Variants in UBASH3B observed in about 807,000 individuals in gnomAD.
UBASH3B encodes ubiquitin associated and SH3 domain containing B.
Under a neutral mutation model 83.4 loss-of-function variants are expected in UBASH3B, and 37 were observed. The ratio of observed to expected loss-of-function variants is 0.44; its 90% CI spans 0.34 to 0.58. The LOEUF (loss-of-function observed/expected upper bound fraction) is 0.58, where lower values mean the gene tolerates loss of function less well. Among genes scored for constraint, UBASH3B ranks in the 20% least tolerant of loss-of-function variants. UBASH3B has a pLI of 0.01. For missense variants in UBASH3B, 657 were observed against 827.2 expected, an observed-to-expected ratio of 0.79 and a Z score of 2.52; for synonymous variants, 304 against 318.3, an observed-to-expected ratio of 0.96 and a Z score of 0.48.
chr11:122,716,001 T>G (rs1860519032), intron 1 of UBASH3B, among the ~76,000 whole-genome samples: 1 of 152,264 alleles, frequency 6.6e-6, no homozygotes, highest in Non-Finnish European at 1.5e-5. Flanking sequence ...TGTCCCTGTT[T>G]CAGCTTTCTC....
At chr11:122,752,598 T>A (rs1861216851) in intron 1 of UBASH3B, among the ~76,000 whole-genome samples, 1 of 152,174 alleles carries the variant, frequency 6.6e-6, no homozygotes, top group African/African-American at 2.4e-5. Flanking sequence ...TTGGTCTTGA[T>A]CTTACGGGCA....
chr11:122,715,874 C>CG (rs770915202), intron 1 of UBASH3B, among the ~76,000 whole-genome samples: 100 of 152,246 alleles, frequency 6.6e-4, no homozygotes, highest in Non-Finnish European at 1.4e-3. Context: ...GGCAGCACTC[C>CG]TCCGCCAAGG....
chr11:122,707,669 A>G (rs1235091652), intron 1 of UBASH3B, among the ~76,000 whole-genome samples: 1 of 152,080 alleles, frequency 6.6e-6, no homozygotes, highest in African/African-American at 2.4e-5. Flanking sequence ...GTAGCAATAA[A>G]CAGCTAATCT....
intron 1 of UBASH3B, among the ~76,000 whole-genome samples, chr11:122,719,148 C>T (rs1468997508): frequency 6.6e-6 from 1 of 152,234 alleles, no homozygotes; most frequent in East Asian, 1.9e-4. Flanking sequence ...TGCCAATTTA[C>T]AGATGGATTA....
At chr11:122,789,639 T>A (rs531704380) in intron 6 of UBASH3B, among the ~76,000 whole-genome samples, 1 of 152,288 alleles carries the variant, frequency 6.6e-6, no homozygotes, top group African/African-American at 2.4e-5. Flanking sequence ...CACCTTATCC[T>A]GGGTCATGAG....
rs369101255 is a variant in UBASH3B, at chr11:122,656,254, C to G, written c.161+44C>G. ...AGCCCTCGGCGACCCCTCCCGCGCG[C>G]GCGGCCGGCCCTCGGCTTCGCTCCG... On this transcript the variant is annotated intron_variant, in intron 1 of 13. Transcript: ENST00000284273. 2.5e-5 allele frequency: 34 copies of G among 1,353,338 alleles called. No homozygotes were observed. In the East Asian group the frequency reaches 8.4e-4, roughly 33 times the overall value. The allele number at this position is 1,353,338 out of a possible 1,614,324, so 83.8% of individuals were successfully genotyped here.
At chr11:122,782,907 G>T in intron 4 of UBASH3B, 146 bp from the exon 5 acceptor site, 1 of 936,986 alleles carries the variant, frequency 1.1e-6, no homozygotes, top group Non-Finnish European at 1.6e-6. Flanking sequence ...TTATTCTACT[G>T]CTGTGAAGGA....
intron 1 of UBASH3B, among the ~76,000 whole-genome samples, chr11:122,756,100 A>C (rs543057482): frequency 5.3e-5 from 8 of 152,342 alleles, no homozygotes; most frequent in African/African-American, 1.7e-4. Flanking sequence ...CCTAACAGGA[A>C]TCAAGGCTGA....
At chr11:122,776,303 A>G (rs1193048714) in intron 2 of UBASH3B, 31 bp downstream of exon 2, 3 of 1,586,858 alleles carry the variant, frequency 1.9e-6, no homozygotes, top group South Asian at 1.1e-5. Flanking sequence ...TTGAGAAAAT[A>G]GCATATAATT....
chr11:122,661,473 G>C (rs182441212), intron 1 of UBASH3B, among the ~76,000 whole-genome samples: 1 of 152,174 alleles, frequency 6.6e-6, no homozygotes, highest in Non-Finnish European at 1.5e-5. Flanking sequence ...TGACTCTGGC[G>C]TGGGGGCTGC....
intron 1 of UBASH3B, among the ~76,000 whole-genome samples, chr11:122,755,127 G>A (rs1022227564): frequency 3.3e-5 from 5 of 152,006 alleles, no homozygotes; most frequent in Admixed American, 6.5e-5. Context: ...CTCTTTTCAT[G>A]GTTCAACGCT....
At position 122,759,581 on chromosome 11, in the gene UBASH3B, C is replaced by A. The variant is rs10892894; in HGVS notation, c.162-16638C>A. Among the ~76,000 whole-genome samples, 1 of 152,018 alleles carries A rather than the reference C, an allele frequency of 6.6e-6. No homozygotes were observed. Among genetic ancestry groups the A allele is most frequent in the South Asian group, 2.1e-4 (1 of 4,832 alleles). Reference sequence around the variant, plus strand: ...CTAGGTGGGACCGTCTAGTTGGAGACCCCTGACTTAGTTGGGACCATCTGT... The same window carrying A: ...CTAGGTGGGACCGTCTAGTTGGAGAACCCTGACTTAGTTGGGACCATCTGT... On this transcript the variant is annotated intron_variant, in intron 1 of 13. Transcript: ENST00000284273. The surrounding 1 kb of genome is among the most constrained non-coding windows in gnomAD (Gnocchi z 4.1).
At chr11:122,764,118 T>C (rs182660172) in intron 1 of UBASH3B, among the ~76,000 whole-genome samples, 10 of 152,326 alleles carry the variant, frequency 6.6e-5, no homozygotes, top group African/African-American at 2.4e-4. Flanking sequence ...ACTTTCTGAG[T>C]GCAAGGGCCA....
At chr11:122,667,757 G>A (rs1342561906) in intron 1 of UBASH3B, among the ~76,000 whole-genome samples, 4 of 152,106 alleles carry the variant, frequency 2.6e-5, no homozygotes, top group Admixed American at 2.0e-4. Flanking sequence ...AGAGGTAGAC[G>A]CTCAGAAATC....
At chr11:122,730,608 T>A (rs74921701) in intron 1 of UBASH3B, among the ~76,000 whole-genome samples, 11 of 143,678 alleles carry the variant, frequency 7.7e-5, no homozygotes, top group Non-Finnish European at 3.1e-5. Flanking sequence ...TTTTTTTTTT[T>A]AATTGAGACA....
chr11:122,727,840 A>G (rs1860770550), intron 1 of UBASH3B, among the ~76,000 whole-genome samples: 1 of 152,192 alleles, frequency 6.6e-6, no homozygotes, highest in African/African-American at 2.4e-5. Context: ...GTTTCCACCC[A>G]AAGACCCAAA....
chr11:122,732,664 T>A (rs1860862428), intron 1 of UBASH3B, among the ~76,000 whole-genome samples: 1 of 152,210 alleles, frequency 6.6e-6, no homozygotes, highest in South Asian at 2.1e-4. Flanking sequence ...AAATCGTGGT[T>A]TGTCTTTCCA....
At chr11:122,658,942 G>GC (rs1863397969) in intron 1 of UBASH3B, among the ~76,000 whole-genome samples, 1 of 152,192 alleles carries the variant, frequency 6.6e-6, no homozygotes, top group Non-Finnish European at 1.5e-5. Flanking sequence ...CATCAGCAGG[G>GC]CCGTGCTCCC....
chr11:122,679,236 A>G (rs908952565), intron 1 of UBASH3B, among the ~76,000 whole-genome samples: 1 of 152,228 alleles, frequency 6.6e-6, no homozygotes, highest in African/African-American at 2.4e-5. Flanking sequence ...CAGTGCGTGC[A>G]TAGGCACGAT....
Sources: allele counts gnomAD v4.1 joint callset (sites outside exome capture counted in the v4.1 genomes callset), GRCh38; gene constraint gnomAD v4.1.1; non-coding constraint Gnocchi (gnomAD v3.1); transcripts MANE v1.5; gene names NCBI Gene and HGNC (gene_info 2026-07-23, HGNC 2026-07-21).